CNBP: variants seen among roughly 807,000 people sequenced by gnomAD.
CNBP encodes CCHC-type zinc finger nucleic acid binding protein, also known as cellular nucleic acid-binding protein.
In CNBP, 6 loss-of-function variants were observed where a neutral mutation model predicts 21.2. The ratio of observed to expected loss-of-function variants is 0.28; its 90% CI spans 0.16 to 0.56. CNBP has a LOEUF of 0.56. Ranked by LOEUF, CNBP falls within the 20% of genes least tolerant of loss-of-function variation. The probability of loss-of-function intolerance (pLI) is 0.93; values close to 1 mark genes in which losing one functional copy is unlikely to be tolerated. For missense variants in CNBP, 112 were observed against 233.1 expected, an observed-to-expected ratio of 0.48 and a Z score of 3.38; for synonymous variants, 61 against 74.9, an observed-to-expected ratio of 0.81 and a Z score of 0.96.
chr3:129,172,096 A>C lies in CNBP; in HGVS notation c.-14-325T>G, dbSNP rs547958703. On this transcript the variant is annotated intron_variant, in intron 1 of 4. Coordinates refer to ENST00000422453, the MANE Select transcript of CNBP (RefSeq NM_003418.5). The stretch of plus-strand genomic sequence containing the variant: ...TGAGGCAGGAGAATGGTGTGAACCC[A>C]GGAGGCGGAGCTTACAGTGAGCTGA... 2.2e-4 allele frequency among the ~76,000 whole-genome samples: 34 copies of C among 151,524 alleles called. No homozygotes were observed. In the East Asian group the frequency reaches 6.5e-3, roughly 29 times the overall value.
chr3:129,181,057 T>C (rs1479370512), intron 1 of CNBP, among the ~76,000 whole-genome samples: 1 of 151,008 alleles, frequency 6.6e-6, no homozygotes, highest in East Asian at 2.0e-4. Flanking sequence ...CTGGCCAACA[T>C]GGTGAAACCC....
Position 129,169,163 on chromosome 3 carries a change from G to A in CNBP, c.*1290C>T, listed in dbSNP as rs542907216. Among the ~76,000 whole-genome samples, 51 of 151,924 alleles carry A rather than the reference G, an allele frequency of 3.4e-4. No individual in the cohort carries two copies. The highest frequency in any genetic ancestry group is 5.6e-4 in the Non-Finnish European group (38 of 67,914). On this transcript the variant is annotated 3_prime_UTR_variant, in exon 5 of 5. Transcript: ENST00000422453. ...CAAAAAATTAGCGGGGGGTGGTGGC[G>A]GGTGCCTGTAATCCCAGCTACTCAG...
intron 1 of CNBP, among the ~76,000 whole-genome samples, chr3:129,178,037 T>C (rs1323417661): frequency 2.0e-5 from 3 of 151,180 alleles, no homozygotes. Flanking sequence ...TGCATGCCTG[T>C]AATCCCAGCT....
At position 129,171,653 on chromosome 3, in the gene CNBP, A is replaced by C. The variant is rs1322982917; in HGVS notation, c.105T>G (p.Gly35=). ...RGRGMRSRGR[G]GFTSDRGFQF... The stretch of plus-strand genomic sequence containing the variant: ...AAATACCTCTATCCGAGGTAAAACC[A>C]CCTCTGCCACGGCTTCTCATTCCAC... The change falls in exon 2 of 5, where the codon GGT becomes GGG. Residue 35 remains glycine, a synonymous_variant. Transcript: ENST00000422453. 6.2e-6 allele frequency: 10 copies of C among 1,614,036 alleles called. No individual in the cohort carries two copies. The highest frequency in any genetic ancestry group is 8.5e-6 in the Non-Finnish European group (10 of 1,180,010).
In CNBP at chr3:129,170,208, G is replaced by A. The variant is rs984500847; in HGVS notation, c.*245C>T. 2.2e-6 allele frequency: 1 copy of A among 459,152 alleles called. No individual in the cohort carries two copies. The allele number at this position is 459,152 out of a possible 1,614,324, so 28.4% of individuals were successfully genotyped here. On this transcript the variant is annotated 3_prime_UTR_variant, in exon 5 of 5. Transcript: ENST00000422453. ...ATTCATCAATCCCTATTCACCAGTG[G>A]CACGGAAAGGGGGTTCTTTAACAAA...
Position 129,168,242 on chromosome 3 carries a change from C to G in CNBP, c.*2211G>C, listed in dbSNP as rs938236146. 6.6e-6 allele frequency among the ~76,000 whole-genome samples: 1 copy of G among 152,112 alleles called. No homozygotes were observed. Among genetic ancestry groups the G allele is most frequent in the African/African-American group, 2.4e-5 (1 of 41,412 alleles). On this transcript the variant is annotated 3_prime_UTR_variant, in exon 5 of 5. Transcript: ENST00000422453. The stretch of plus-strand genomic sequence containing the variant: ...ATCCTTAAGTAAATTAAGTTTAACT[C>G]ATCTATTAAAAAGTGAGTTAAAACA...
chr3:129,183,264 A>G (rs186098199), intron 1 of CNBP, among the ~76,000 whole-genome samples: 1 of 152,102 alleles, frequency 6.6e-6, no homozygotes. Context: ...CCCTTTTCTA[A>G]GGCCCCCAAA....
chr3:129,172,607 G>GGC lies in CNBP; in HGVS notation c.-14-837_-14-836insGC, dbSNP rs1560034569. 4.3e-3 allele frequency among the ~76,000 whole-genome samples: 124 copies of GGC among 28,992 alleles called. 3 individuals are homozygous for GGC. The highest frequency in any genetic ancestry group is 0.024 in the South Asian group (17 of 712). 19.0% of individuals were successfully genotyped at this position (28,992 alleles called of 152,430 possible). A position where few individuals can be genotyped will look rare whatever the true frequency, so the allele number is the denominator to read the frequency against. On this transcript the variant is annotated intron_variant, in intron 1 of 4. Transcript: ENST00000422453. ...AGGCAGGCAGGCAGGCAGGCAGGCA[G>GGC]ACAGGCAGACAGGCAGCCAGGCAGG...
intron 1 of CNBP, 23 bp from the exon 2 acceptor site, chr3:129,171,794 G>A (rs1300986574): frequency 2.5e-6 from 4 of 1,585,072 alleles, no homozygotes; most frequent in East Asian, 2.2e-5. Context: ...AAAAGTAACA[G>A]CATTAAACCA....
intron 1 of CNBP, among the ~76,000 whole-genome samples, chr3:129,174,905 T>C (rs1419121018): frequency 1.3e-5 from 2 of 151,372 alleles, no homozygotes; most frequent in Non-Finnish European, 2.9e-5. Flanking sequence ...TTTTAGAAAA[T>C]ACAAAACAAG....
At chr3:129,179,847 A>G (rs2107646733) in intron 1 of CNBP, among the ~76,000 whole-genome samples, 1 of 152,310 alleles carries the variant, frequency 6.6e-6, no homozygotes. Context: ...AAAAACTAAA[A>G]AAACAAAAAT....
rs544292131 is a variant in CNBP, at chr3:129,168,698, G to A, written c.*1755C>T. Among the ~76,000 whole-genome samples, 10 of 148,198 alleles carry A rather than the reference G, an allele frequency of 6.7e-5. No homozygotes were observed. The highest frequency in any genetic ancestry group is 4.4e-4 in the South Asian group (2 of 4,548). On this transcript the variant is annotated 3_prime_UTR_variant, in exon 5 of 5. Transcript: ENST00000422453. ...CAGAATCGGCCAGACACGGTGGCTCGCACCTGTAACACTAGCACTTTGGGG... is the reference window on the plus strand; with the variant it reads ...CAGAATCGGCCAGACACGGTGGCTCACACCTGTAACACTAGCACTTTGGGG...
chr3:129,183,214 C>T (rs1232461492), intron 1 of CNBP, among the ~76,000 whole-genome samples: 4 of 152,314 alleles, frequency 2.6e-5, no homozygotes, highest in East Asian at 3.9e-4. Flanking sequence ...TCTCAAAGTG[C>T]TGGGATTACA....
chr3:129,182,915 A>T (rs1938405989), intron 1 of CNBP, among the ~76,000 whole-genome samples: 1 of 150,262 alleles, frequency 6.7e-6, no homozygotes, highest in African/African-American at 2.5e-5. Flanking sequence ...CCAAACACAA[A>T]GGCTTCTTCA....
chr3:129,181,545 G>A (rs1297992567), intron 1 of CNBP, among the ~76,000 whole-genome samples: 1 of 149,846 alleles, frequency 6.7e-6, no homozygotes, highest in Middle Eastern at 3.5e-3. Flanking sequence ...CAGCTACTTC[G>A]GAGGCTGAGG....
intron 1 of CNBP, among the ~76,000 whole-genome samples, chr3:129,182,955 TTTGTTTG>T (rs1428565597): frequency 6.6e-6 from 1 of 151,698 alleles, no homozygotes; most frequent in Non-Finnish European, 1.5e-5. Context: ...TGTTTGTTTG[TTTGTTTG>T]TTTTTTTAAG....
intron 1 of CNBP, among the ~76,000 whole-genome samples, chr3:129,182,031 GA>G (rs1938335014): frequency 6.6e-6 from 1 of 151,936 alleles, no homozygotes; most frequent in African/African-American, 2.4e-5. Context: ...AACTATTTAG[GA>G]GGGGGGAGGG....
intron 1 of CNBP, among the ~76,000 whole-genome samples, chr3:129,182,562 A>G (rs1270427143): frequency 6.6e-6 from 1 of 152,222 alleles, no homozygotes; most frequent in Admixed American, 6.5e-5. Context: ...TTCTCACGAT[A>G]TGGAAAAATC....
At chr3:129,178,556 G>A (rs1210445861) in intron 1 of CNBP, among the ~76,000 whole-genome samples, 1 of 152,150 alleles carries the variant, frequency 6.6e-6, no homozygotes, top group Non-Finnish European at 1.5e-5. Flanking sequence ...TTCTAACACA[G>A]CTGTACACAT....
Sources: gnomAD v4.1 joint callset for allele counts (sites outside exome capture counted in the v4.1 genomes callset) on GRCh38, gnomAD v4.1.1 for gene constraint, MANE v1.5 for transcripts, NCBI Gene and HGNC (gene_info 2026-07-23, HGNC 2026-07-21) for gene names.